GPATCH2L: variants seen among roughly 807,000 people sequenced by gnomAD.
The protein encoded by GPATCH2L is G patch domain-containing protein 2-like.
A neutral mutation model predicts 57.4 loss-of-function variants in GPATCH2L; 31 were observed. The observed-to-expected ratio is 0.54, with a 90% CI of 0.41 to 0.73. The LOEUF is 0.73. Ranked by LOEUF, GPATCH2L falls within the 30% of genes least tolerant of loss-of-function variation. The probability of loss-of-function intolerance (pLI) is 0.00; values close to 1 mark genes in which losing one functional copy is unlikely to be tolerated. For synonymous variants in GPATCH2L, 199 were observed against 210.7 expected (o/e 0.94, Z 0.48); for missense variants, 481 against 599.9 (o/e 0.80, Z 2.07).
Position 76,172,015 on chromosome 14 carries a change from A to G in GPATCH2L, c.900A>G (p.Gln300=), listed in dbSNP as rs12432212. ...STFLLPSRPA[Q]RGYHTRLNRL... ...TCCTTTTACCTTCTCGGCCAGCTCA[A>G]AGAGGTGAGTTCTGAGGAGACCAAG... Residue 300 remains glutamine, a synonymous_variant, in exon 4 of 10, where the codon CAA becomes CAG. Transcript: ENST00000261530. 1.8e-3 allele frequency: 2,834 copies of G among 1,604,914 alleles called. 92 individuals carry two copies. The East Asian group carries it at 0.056, about 32-fold the overall frequency.
chr14:76,233,930 C>CTT (rs2040586523), intron 2 of GPATCH2L, among the ~76,000 whole-genome samples: 1 of 152,026 alleles, frequency 6.6e-6, no homozygotes, highest in African/African-American at 2.4e-5. Context: ...ATAGCAAGAC[C>CTT]TTCTCTCTAC....
At chr14:76,162,786 AGT>A (rs1394917802) in intron 2 of GPATCH2L, among the ~76,000 whole-genome samples, 1 of 152,200 alleles carries the variant, frequency 6.6e-6, no homozygotes, top group East Asian at 1.9e-4. Flanking sequence ...GCTGAAAATG[AGT>A]GTTACTTAAA....
At chr14:76,177,948 T>A in intron 6 of GPATCH2L, 40 bp from the exon 7 acceptor site, 1 of 1,601,450 alleles carries the variant, frequency 6.2e-7, no homozygotes, top group Non-Finnish European at 8.6e-7. Flanking sequence ...TCATTTTTCT[T>A]TGTCATCTTT....
chr14:76,225,311 A>G (rs185032117), intron 1 of GPATCH2L, among the ~76,000 whole-genome samples: 1 of 152,326 alleles, frequency 6.6e-6, no homozygotes, highest in East Asian at 1.9e-4. Flanking sequence ...TGATCCACAC[A>G]CATAGTCACT....
intron 1 of GPATCH2L, among the ~76,000 whole-genome samples, chr14:76,228,045 C>A (rs1157803508): frequency 6.6e-6 from 1 of 152,168 alleles, no homozygotes; most frequent in Admixed American, 6.5e-5. Context: ...AGCAACACTG[C>A]GAAATAAACT....
chr14:76,174,786 C>T (rs2039245888), intron 5 of GPATCH2L: 1 of 152,192 alleles, frequency 6.6e-6, no homozygotes, highest in Non-Finnish European at 1.5e-5. Flanking sequence ...AGGCGCCCCA[C>T]CATGCCTGGC....
chr14:76,171,158 GT>G, intron 3 of GPATCH2L, among the ~76,000 whole-genome samples: 1 of 152,112 alleles, frequency 6.6e-6, no homozygotes, highest in East Asian at 1.9e-4. Flanking sequence ...TTATTTAAAA[GT>G]ATAATCAGCC....
chr14:76,156,653 A>G (rs777119988), intron 2 of GPATCH2L, among the ~76,000 whole-genome samples: 1 of 152,254 alleles, frequency 6.6e-6, no homozygotes, highest in Non-Finnish European at 1.5e-5. Context: ...TATTGAGCAT[A>G]TATACCAAAT....
chr14:76,152,741 A>G (rs915262910), intron 1 of GPATCH2L: 4 of 455,920 alleles, frequency 8.8e-6, no homozygotes, highest in Admixed American at 2.4e-5. Flanking sequence ...ACTTCGTTCC[A>G]TGTTCAAGTT....
chr14:76,161,518 A>C (rs1420692004), intron 2 of GPATCH2L, among the ~76,000 whole-genome samples: 2 of 152,198 alleles, frequency 1.3e-5, no homozygotes, highest in Non-Finnish European at 2.9e-5. Context: ...CTCACTTTAC[A>C]GTCTTCTGTG....
At chr14:76,190,207 T>C (rs1413972007) in intron 8 of GPATCH2L, among the ~76,000 whole-genome samples, 1 of 152,076 alleles carries the variant, frequency 6.6e-6, no homozygotes, top group Non-Finnish European at 1.5e-5. Context: ...ACTCACCTGA[T>C]CTTTCAGTTA....
At chr14:76,221,940 C>G (rs111489791) in intron 1 of GPATCH2L, among the ~76,000 whole-genome samples, 3,374 of 152,194 alleles carry the variant, frequency 0.022, 75 homozygotes, top group South Asian at 0.077. Context: ...ATGTATAACA[C>G]TAATAGTGAA....
intron 3 of GPATCH2L, among the ~76,000 whole-genome samples, chr14:76,168,739 G>A (rs1284035616): frequency 6.6e-6 from 1 of 152,236 alleles, no homozygotes; most frequent in East Asian, 1.9e-4. Context: ...GGATGAGTAA[G>A]TGTGCTCTTC....
intron 8 of GPATCH2L, among the ~76,000 whole-genome samples, chr14:76,188,556 ATTTTT>A (rs1183051671): frequency 1.4e-5 from 2 of 144,348 alleles, no homozygotes; most frequent in African/African-American, 5.1e-5. Context: ...GGATTATTAG[ATTTTT>A]TTTCTACAGG....
chr14:76,168,139 TCTTG>T (rs762051156), intron 3 of GPATCH2L, among the ~76,000 whole-genome samples: 17 of 152,270 alleles, frequency 1.1e-4, no homozygotes, highest in Non-Finnish European at 2.4e-4. Context: ...CTATGGGATT[TCTTG>T]CTTCTCTGCC....
At chr14:76,196,043 C>A in intron 9 of GPATCH2L, 71 bp downstream of exon 9, 1 of 1,074,660 alleles carries the variant, frequency 9.3e-7, no homozygotes, top group Non-Finnish European at 1.4e-6. Flanking sequence ...GTTTTGTATA[C>A]CTTTTCATGT....
chr14:76,190,761 A>G (rs2039934777), intron 8 of GPATCH2L, among the ~76,000 whole-genome samples: 1 of 152,116 alleles, frequency 6.6e-6, no homozygotes, highest in Non-Finnish European at 1.5e-5. Context: ...TATCAGAATT[A>G]CCCAGGGAAA....
chr14:76,169,222 A>G (rs2038978466), intron 3 of GPATCH2L, among the ~76,000 whole-genome samples: 2 of 152,110 alleles, frequency 1.3e-5, no homozygotes, highest in Non-Finnish European at 2.9e-5. Context: ...CTTGTATTAT[A>G]CTTACTGTTT....
chr14:76,156,324 A>G (rs1053725902), intron 2 of GPATCH2L, among the ~76,000 whole-genome samples: 3 of 152,220 alleles, frequency 2.0e-5, no homozygotes, highest in Admixed American at 2.0e-4. Context: ...TGTGTCAGTA[A>G]CAGGAAAAAC....
Sources: gnomAD v4.1 joint callset for allele counts (sites outside exome capture counted in the v4.1 genomes callset) on GRCh38, gnomAD v4.1.1 for gene constraint, MANE v1.5 for transcripts, NCBI Gene and HGNC (gene_info 2026-07-23, HGNC 2026-07-21) for gene names.